ZNF407: variants seen among roughly 807,000 people sequenced by gnomAD.
ZNF407 encodes the protein zinc finger protein 407.
In ZNF407, 17 loss-of-function variants were observed where a neutral mutation model predicts 131.2. The ratio of observed to expected loss-of-function variants is 0.13; its 90% CI spans 0.09 to 0.19. ZNF407 has a LOEUF of 0.19. ZNF407 is among the 10% of genes least tolerant of loss of function. ZNF407 has a pLI of 1.00. For synonymous variants in ZNF407, 1,156 were observed against 1,062.0 expected (o/e 1.09, Z -1.72); for missense variants, 2,681 against 2,830.6 (o/e 0.95, Z 1.20).
At chr18:74,861,775 T>C (rs1315146436) in intron 4 of ZNF407, among the ~76,000 whole-genome samples, 1 of 152,216 alleles carries the variant, frequency 6.6e-6, no homozygotes, top group Non-Finnish European at 1.5e-5. Context: ...CAATACCCTT[T>C]CATGTTTTTC....
At chr18:74,724,954 A>G (rs1249655066) in intron 3 of ZNF407, among the ~76,000 whole-genome samples, 1 of 152,224 alleles carries the variant, frequency 6.6e-6, no homozygotes, top group African/African-American at 2.4e-5. Context: ...AACATCTGTG[A>G]GGCTTCAACC....
Position 74,635,332 on chromosome 18 carries a change from C to G in ZNF407, c.4313C>G (p.Pro1438Arg), listed in dbSNP as rs1984408499. Residue 1438 changes from proline (P) to arginine (R), a missense_variant, in exon 2 of 9, where the codon CCT (proline) becomes CGT (arginine). By Grantham distance (103) the Pro-to-Arg change is moderately radical. Coordinates refer to ENST00000299687, the MANE Select transcript of ZNF407 (RefSeq NM_017757.3). This position sits in a 1 kb window ranked among gnomAD's most constrained non-coding sequence, Gnocchi z 4.7. The part of the protein sequence containing the change: ...GLNVHIAMKH[P>R]TKEKHFHCLL... ...AATGTTCACATAGCCATGAAGCATC[C>G]TACAAAAGAGAAGCACTTCCATTGT... 1.2e-6 allele frequency: 2 copies of G among 1,613,942 alleles called. No homozygotes were observed. Among genetic ancestry groups the G allele is most frequent in the East Asian group, 4.5e-5 (2 of 44,880 alleles).
At chr18:74,712,166 T>A (rs772767858) in intron 3 of ZNF407, among the ~76,000 whole-genome samples, 7 of 152,190 alleles carry the variant, frequency 4.6e-5, no homozygotes, top group Non-Finnish European at 1.0e-4. Context: ...GACCTTGTCT[T>A]TGACAAGGTC....
At chr18:74,861,965 A>G (rs1970943975) in intron 4 of ZNF407, among the ~76,000 whole-genome samples, 1 of 152,324 alleles carries the variant, frequency 6.6e-6, no homozygotes, top group Admixed American at 6.5e-5. Context: ...CAGTGTTTTC[A>G]TAGGTGCTTA....
intron 3 of ZNF407, among the ~76,000 whole-genome samples, chr18:74,736,320 A>G: frequency 6.6e-6 from 1 of 152,202 alleles, no homozygotes; most frequent in East Asian, 1.9e-4. Flanking sequence ...TAGGATTAGA[A>G]TAATTATAAA....
At chr18:74,690,663 G>A (rs1353271104) in intron 3 of ZNF407, among the ~76,000 whole-genome samples, 1 of 152,090 alleles carries the variant, frequency 6.6e-6, no homozygotes, top group Admixed American at 6.5e-5. Context: ...GGACAAAGTG[G>A]CTTCCAAAAT....
intron 3 of ZNF407, among the ~76,000 whole-genome samples, chr18:74,644,349 T>TA (rs915924823): frequency 2.6e-5 from 4 of 151,718 alleles, no homozygotes; most frequent in Admixed American, 2.0e-4. Flanking sequence ...AGAGAGAAAG[T>TA]AAGAAATAAT....
Position 74,640,930 on chromosome 18 carries a change from A to G in ZNF407, c.4688-78A>G. ...CTTAATTAGGTTAAAGGTATGATTT[A>G]AGATTTAGTCCTCTTTTCTAAGCTA... On this transcript the variant is annotated intron_variant, in intron 2 of 8. Transcript: ENST00000299687. 4.6e-6 allele frequency: 5 copies of G among 1,083,744 alleles called. No homozygotes were observed. In the South Asian group the frequency reaches 6.5e-5, roughly 14 times the overall value. The allele number at this position is 1,083,744 out of a possible 1,614,324, so 67.1% of individuals were successfully genotyped here.
At chr18:75,016,708 GGTGTA>G (rs1446111516) in intron 8 of ZNF407, among the ~76,000 whole-genome samples, 1 of 151,928 alleles carries the variant, frequency 6.6e-6, no homozygotes, top group Non-Finnish European at 1.5e-5. Context: ...ACTTTCTCTT[GGTGTA>G]GTTATAAAAT....
At position 74,978,241 on chromosome 18, in the gene ZNF407, A is replaced by G. The variant is rs981111798; in HGVS notation, c.5428+57549A>G. ...GAAAATAGCATTCCTTGCGTGGGGG[A>G]CAGTGGGCAGTCATGTAGCTCTAGA... is the stretch of plus-strand genomic sequence containing the variant. On this transcript the variant is annotated intron_variant, in intron 8 of 8. Coordinates refer to ENST00000299687, the MANE Select transcript of ZNF407 (RefSeq NM_017757.3). Among the ~76,000 whole-genome samples, 16 of 152,040 alleles carry G rather than the reference A, an allele frequency of 1.1e-4. 1 individual carries two copies. Among genetic ancestry groups the G allele is most frequent in the African/African-American group, 3.9e-4 (16 of 41,384 alleles).
intron 8 of ZNF407, among the ~76,000 whole-genome samples, chr18:74,957,994 C>G (rs1215101753): frequency 6.6e-6 from 1 of 152,136 alleles, no homozygotes; most frequent in Non-Finnish European, 1.5e-5. Context: ...GAAGCCATTG[C>G]CTGTTTTTTG....
chr18:74,868,653 G>T (rs920917820), intron 4 of ZNF407, among the ~76,000 whole-genome samples: 2 of 152,206 alleles, frequency 1.3e-5, no homozygotes, highest in Non-Finnish European at 1.5e-5. Context: ...CCACCTGGCT[G>T]CCTGGGCCCC....
intron 7 of ZNF407, among the ~76,000 whole-genome samples, chr18:74,913,672 CT>C (rs1971705847): frequency 6.6e-6 from 1 of 152,194 alleles, no homozygotes; most frequent in African/African-American, 2.4e-5. Flanking sequence ...AGGGAGACTT[CT>C]GTCATATCCA....
At chr18:74,657,099 T>A (rs1348250475) in intron 3 of ZNF407, among the ~76,000 whole-genome samples, 1 of 141,920 alleles carries the variant, frequency 7.0e-6, no homozygotes, top group African/African-American at 2.8e-5. Context: ...TTTTTTTTTT[T>A]AATTTAAGTG....
chr18:74,779,115 T>A (rs201942513), intron 3 of ZNF407, among the ~76,000 whole-genome samples: 1,400 of 39,704 alleles, frequency 0.035, 24 homozygotes, highest in African/African-American at 0.08. Context: ...ATATATTTTT[T>A]TTTTTTTTTT....
At chr18:75,051,866 C>T (rs547792356) in intron 8 of ZNF407, among the ~76,000 whole-genome samples, 9 of 152,320 alleles carry the variant, frequency 5.9e-5, no homozygotes, top group Admixed American at 5.9e-4. Flanking sequence ...CACCACATGT[C>T]ATCAGAACTC....
chr18:74,869,025 TAA>T (rs1466941937), intron 4 of ZNF407, among the ~76,000 whole-genome samples: 1 of 152,232 alleles, frequency 6.6e-6, no homozygotes, highest in Non-Finnish European at 1.5e-5. Flanking sequence ...TGAACTATAA[TAA>T]TTTGAAGATG....
At chr18:74,991,559 T>A (rs1972719138) in intron 8 of ZNF407, among the ~76,000 whole-genome samples, 1 of 152,236 alleles carries the variant, frequency 6.6e-6, no homozygotes, top group African/African-American at 2.4e-5. Context: ...ATATATATTC[T>A]TCTTTAAAAT....
At chr18:74,742,797 G>A (rs1968580526) in intron 3 of ZNF407, among the ~76,000 whole-genome samples, 1 of 152,108 alleles carries the variant, frequency 6.6e-6, no homozygotes, top group Non-Finnish European at 1.5e-5. Context: ...CTTAGTCCCT[G>A]TTTCTAGCTC....
Sources: allele counts gnomAD v4.1 joint callset (sites outside exome capture counted in the v4.1 genomes callset), GRCh38; gene constraint gnomAD v4.1.1; non-coding constraint Gnocchi (gnomAD v3.1); transcripts MANE v1.5; gene names NCBI Gene and HGNC (gene_info 2026-07-23, HGNC 2026-07-21).